The following MBOAT2 variants were observed in gnomAD, a reference collection of about 807,000 sequenced individuals.
The protein encoded by MBOAT2 is membrane bound glycerophospholipid O-acyltransferase 2.
MBOAT2 carries 28 observed loss-of-function variants against 63.4 expected under a neutral mutation model. That is an observed-to-expected ratio of 0.44 (90% CI 0.33 to 0.61). MBOAT2 has a LOEUF of 0.61. MBOAT2 is among the 20% of genes least tolerant of loss of function. MBOAT2 has a pLI of 0.03. For missense variants in MBOAT2, 470 were observed against 605.8 expected, an observed-to-expected ratio of 0.78 and a Z score of 2.35; for synonymous variants, 211 against 215.6, an observed-to-expected ratio of 0.98 and a Z score of 0.19.
intron 2 of MBOAT2, among the ~76,000 whole-genome samples, chr2:8,957,322 TA>T (rs753975035): frequency 1.3e-5 from 2 of 152,168 alleles, no homozygotes; most frequent in Non-Finnish European, 2.9e-5. Flanking sequence ...TGTGATGATA[TA>T]AATGTGATGT....
intron 4 of MBOAT2, among the ~76,000 whole-genome samples, chr2:8,903,864 T>C (rs1029076022): frequency 6.6e-6 from 1 of 152,248 alleles, no homozygotes; most frequent in African/African-American, 2.4e-5. Flanking sequence ...AAGCATTTAT[T>C]CTTCTAGAGA....
intron 5 of MBOAT2, 61 bp from the exon 6 acceptor site, chr2:8,882,626 C>A (rs1663224892): frequency 2.1e-6 from 3 of 1,439,302 alleles, no homozygotes; most frequent in African/African-American, 2.8e-5. Context: ...CATTTTTGCC[C>A]ATGCACACTT....
intron 3 of MBOAT2, among the ~76,000 whole-genome samples, chr2:8,936,794 A>C (rs1169358643): frequency 7.3e-6 from 1 of 137,818 alleles, no homozygotes. Context: ...CTCAAAAAAA[A>C]AAAAAAAAAA....
At chr2:8,926,501 G>C (rs1199229870) in intron 3 of MBOAT2, among the ~76,000 whole-genome samples, 1 of 152,180 alleles carries the variant, frequency 6.6e-6, no homozygotes, top group South Asian at 2.1e-4. Context: ...ATTCATGTTG[G>C]GGGCAGGGGG....
At chr2:8,926,238 C>G (rs990177938) in intron 3 of MBOAT2, among the ~76,000 whole-genome samples, 1 of 152,164 alleles carries the variant, frequency 6.6e-6, no homozygotes, top group Non-Finnish European at 1.5e-5. Flanking sequence ...AAGCGATTCC[C>G]CTACCTCAGC....
intron 6 of MBOAT2, 56 bp downstream of exon 6, chr2:8,882,455 T>C (rs1381007406): frequency 3.2e-6 from 5 of 1,564,268 alleles, no homozygotes; most frequent in Non-Finnish European, 2.6e-6. Context: ...AGAAGGAACG[T>C]GGGTCCTAGG....
At chr2:8,865,636 C>T (rs567715096) in intron 9 of MBOAT2, among the ~76,000 whole-genome samples, 74 of 152,360 alleles carry the variant, frequency 4.9e-4, no homozygotes, top group African/African-American at 1.8e-3. Flanking sequence ...CTGTTCCCCT[C>T]AGCTACTGCC....
chr2:8,862,680 C>T lies in MBOAT2; in HGVS notation c.1095G>A (p.Thr365=), dbSNP rs777596737. Residue 365 remains threonine (T), a synonymous_variant, in exon 11 of 13, where the codon ACG becomes ACA. Coordinates refer to ENST00000305997, the MANE Select transcript of MBOAT2 (RefSeq NM_138799.4). This position sits in a 1 kb window ranked among gnomAD's most constrained non-coding sequence, Gnocchi z 4.3. ...CGTGCCAAATGGCAGAGAGAATGAA[C>T]GTCTGGATAGTTGGACTGAAGGAGG... is the stretch of plus-strand genomic sequence containing the variant. ...ERTSFSPTIQ[T]FILSAIWHGV... The T allele has an allele frequency of 3.7e-6, 6 of 1,614,070 alleles. No individual in the cohort carries two copies. The highest frequency in any genetic ancestry group is 1.3e-5 in the African/African-American group (1 of 75,022).
chr2:8,928,405 C>T (rs891355262), intron 3 of MBOAT2, among the ~76,000 whole-genome samples: 5 of 152,096 alleles, frequency 3.3e-5, no homozygotes, highest in Non-Finnish European at 5.9e-5. Flanking sequence ...GCTGGTAGGA[C>T]GTCTGCCATC....
At chr2:8,928,269 G>A (rs1190133033) in intron 3 of MBOAT2, among the ~76,000 whole-genome samples, 7 of 152,172 alleles carry the variant, frequency 4.6e-5, no homozygotes, top group African/African-American at 1.7e-4. Flanking sequence ...GACTCCAGAA[G>A]AGAGGTCTCA....
chr2:8,927,214 CCTT>C (rs1666992818), intron 3 of MBOAT2, among the ~76,000 whole-genome samples: 1 of 152,126 alleles, frequency 6.6e-6, no homozygotes, highest in Admixed American at 6.5e-5. Flanking sequence ...ACCCCCATCT[CCTT>C]CTTCCAATGG....
intron 6 of MBOAT2, among the ~76,000 whole-genome samples, chr2:8,878,816 C>T (rs1662890769): frequency 6.6e-6 from 1 of 152,188 alleles, no homozygotes; most frequent in South Asian, 2.1e-4. Flanking sequence ...GTGGCTCACG[C>T]CTGTAATCCC....
intron 10 of MBOAT2, among the ~76,000 whole-genome samples, chr2:8,863,450 G>T (rs1017378317): frequency 1.3e-5 from 2 of 152,190 alleles, no homozygotes; most frequent in Non-Finnish European, 1.5e-5. Context: ...ACCCCTGGGA[G>T]GGTGTGCTGT....
At chr2:8,990,504 G>A (rs947639122) in intron 1 of MBOAT2, among the ~76,000 whole-genome samples, 1 of 151,850 alleles carries the variant, frequency 6.6e-6, no homozygotes, top group Non-Finnish European at 1.5e-5. Context: ...TTAATCTACT[G>A]AAGCATTTCC....
At chr2:8,935,798 T>C (rs1001026177) in intron 3 of MBOAT2, among the ~76,000 whole-genome samples, 6 of 152,220 alleles carry the variant, frequency 3.9e-5, no homozygotes, top group Non-Finnish European at 7.3e-5. Context: ...CAAACCCATA[T>C]ATATCTGACT....
Position 8,943,245 on chromosome 2 carries a change from C to A in MBOAT2, c.241G>T (p.Val81Leu), listed in dbSNP as rs750132753. The A allele has an allele frequency of 2.5e-6, 4 of 1,581,738 alleles. No homozygotes were observed. The highest frequency in any genetic ancestry group is 1.2e-5 in the South Asian group (1 of 85,580). Residue 81 changes from valine (V) to leucine (L), a missense_variant, in exon 3 of 13, where the codon GTA becomes TTA. This residue lies in a region of MBOAT2 where 376 missense variants were observed against 503.8 expected (regional missense o/e 0.75). Transcript: ENST00000305997. ...CFGWYALHFL[V>L]QSGISYCIMI... Reference sequence around the variant, plus strand: ...ATACAGTAGGAAATTCCACTTTGTACAAGAAAGTGTAAGGCATACCTATAA... The same window carrying A: ...ATACAGTAGGAAATTCCACTTTGTAAAAGAAAGTGTAAGGCATACCTATAA...
At chr2:8,980,818 G>A (rs571838624) in intron 1 of MBOAT2, among the ~76,000 whole-genome samples, 1 of 152,154 alleles carries the variant, frequency 6.6e-6, no homozygotes, top group Admixed American at 6.5e-5. Flanking sequence ...TGTGAGACAT[G>A]GTTATCATAT....
chr2:8,868,542 G>C lies in MBOAT2; in HGVS notation c.891C>G (p.Ala297=), dbSNP rs749628088. ...KYYFAWTLAD[A]INNAAGFGFR... is the part of the protein sequence containing the mutation. ...AACCAAAGCCTGCAGCATTATTAAT[G>C]GCATCAGCTATAGAAAACAACATTA... The change falls in exon 9 of 13, where the codon GCC becomes GCG. Residue 297 remains alanine, a synonymous_variant. Coordinates refer to ENST00000305997, the MANE Select transcript of MBOAT2 (RefSeq NM_138799.4). 1 of 1,612,512 alleles carries C rather than the reference G, an allele frequency of 6.2e-7. No individual in the cohort carries two copies. Among genetic ancestry groups the C allele is most frequent in the African/African-American group, 1.3e-5 (1 of 74,830 alleles).
intron 8 of MBOAT2, among the ~76,000 whole-genome samples, 159 bp from the exon 9 acceptor site, chr2:8,868,708 A>G (rs1662085504): frequency 6.6e-6 from 1 of 152,214 alleles, no homozygotes; most frequent in Non-Finnish European, 1.5e-5. Flanking sequence ...CAATGAAAAT[A>G]ACATATCTAG....
Sources: allele counts gnomAD v4.1 joint callset (sites outside exome capture counted in the v4.1 genomes callset), GRCh38; gene constraint gnomAD v4.1.1; regional missense constraint gnomAD v4.1.1; non-coding constraint Gnocchi (gnomAD v3.1); transcripts MANE v1.5; gene names NCBI Gene and HGNC (gene_info 2026-07-23, HGNC 2026-07-21).